AK9: variants seen among roughly 807,000 people sequenced by gnomAD.
AK9 encodes the protein adenylate kinase domain containing 1.
In AK9, 191 loss-of-function variants were observed where a neutral mutation model predicts 239.6. The ratio of observed to expected loss-of-function variants is 0.80; its 90% CI spans 0.71 to 0.90. AK9 has a LOEUF of 0.90. Among genes scored for constraint, AK9 ranks in the 40% least tolerant of loss-of-function variants. The probability of loss-of-function intolerance (pLI) is 0.00; values close to 1 mark genes in which losing one functional copy is unlikely to be tolerated. For synonymous variants in AK9, 689 were observed against 721.0 expected (o/e 0.96, Z 0.71); for missense variants, 1,995 against 2,214.7 (o/e 0.90, Z 1.99).
At position 109,511,797 on chromosome 6, in the gene AK9, C is replaced by T. The variant is rs1778778163; in HGVS notation, c.4280-2417G>A. Among the ~76,000 whole-genome samples, 5 of 152,102 alleles carry T rather than the reference C, an allele frequency of 3.3e-5. No homozygotes were observed. In the South Asian group the frequency reaches 1.0e-3, roughly 31 times the overall value. Reference sequence around the variant, plus strand: ...AAATCTGTTTTTTTTAAAGTTCTAACAATAATTAGGCTCCTAAAATTTGAC... The same window carrying T: ...AAATCTGTTTTTTTTAAAGTTCTAATAATAATTAGGCTCCTAAAATTTGAC... On this transcript the variant is annotated intron_variant, in intron 32 of 40. Transcript: ENST00000424296.
chr6:109,501,334 G>GA (rs1351638597), intron 35 of AK9, among the ~76,000 whole-genome samples: 1 of 152,108 alleles, frequency 6.6e-6, no homozygotes, highest in African/African-American at 2.4e-5. Flanking sequence ...GATGTCCCCT[G>GA]ATACCAACTA....
rs1166212242 is a variant in AK9 at position 109,622,996 on chromosome 6, C to T, written c.1255-3760G>A. Among the ~76,000 whole-genome samples, 3 of 152,090 alleles carry T rather than the reference C, an allele frequency of 2.0e-5. No individual in the cohort carries two copies. In the East Asian group the frequency reaches 5.8e-4, roughly 29 times the overall value. On this transcript the variant is annotated intron_variant, in intron 12 of 40. Coordinates refer to ENST00000424296, the MANE Select transcript of AK9 (RefSeq NM_001145128.3). ...GTTTTTAGTAATCTTTTAACTGTTA[C>T]AATGAGATTGATATGACAAGTCTCT...
intron 8 of AK9, among the ~76,000 whole-genome samples, chr6:109,649,508 C>T (rs1355860293): frequency 6.6e-6 from 1 of 152,022 alleles, no homozygotes; most frequent in Non-Finnish European, 1.5e-5. Flanking sequence ...AATAAAATAC[C>T]TAGGAATCCA....
chr6:109,520,360 T>C (rs1779709056), intron 29 of AK9, among the ~76,000 whole-genome samples: 1 of 152,212 alleles, frequency 6.6e-6, no homozygotes, highest in Non-Finnish European at 1.5e-5. Flanking sequence ...TGGCACCATT[T>C]ATTGAATAGG....
intron 20 of AK9, among the ~76,000 whole-genome samples, chr6:109,578,677 A>C (rs1404815414): frequency 6.6e-6 from 1 of 152,088 alleles, no homozygotes; most frequent in East Asian, 1.9e-4. Flanking sequence ...GTAAGCATTT[A>C]ATACTATGAA....
intron 18 of AK9, 118 bp downstream of exon 18, chr6:109,585,798 G>T: frequency 1.2e-5 from 11 of 942,520 alleles, no homozygotes; most frequent in African/African-American, 1.7e-5. Flanking sequence ...TTCCTGCAGG[G>T]ATTGCTGGGG....
At chr6:109,558,051 C>T (rs907370236) in intron 24 of AK9, among the ~76,000 whole-genome samples, 1 of 152,088 alleles carries the variant, frequency 6.6e-6, no homozygotes, top group African/African-American at 2.4e-5. Context: ...GGTGAAGTAT[C>T]TGGTGTCTGT....
intron 24 of AK9, among the ~76,000 whole-genome samples, chr6:109,555,441 G>C (rs1180277899): frequency 6.6e-6 from 1 of 152,106 alleles, no homozygotes; most frequent in East Asian, 1.9e-4. Flanking sequence ...TTATGTGTTT[G>C]ATTTTAAAAT....
At chr6:109,589,310 T>C (rs555330017) in intron 17 of AK9, among the ~76,000 whole-genome samples, 10 of 152,306 alleles carry the variant, frequency 6.6e-5, no homozygotes, top group Non-Finnish European at 1.2e-4. Flanking sequence ...TTAAATGTAT[T>C]CCTGGGTATT....
intron 9 of AK9, among the ~76,000 whole-genome samples, chr6:109,642,467 A>G (rs1797574260): frequency 6.6e-6 from 1 of 152,092 alleles, no homozygotes; most frequent in Non-Finnish European, 1.5e-5. Context: ...TATTCCACTA[A>G]TGTCAAGCTT....
intron 1 of AK9, among the ~76,000 whole-genome samples, chr6:109,679,224 C>T (rs1172832331): frequency 6.6e-6 from 1 of 152,180 alleles, no homozygotes; most frequent in African/African-American, 2.4e-5. Flanking sequence ...TTCTCGCTGC[C>T]AGCACCGCAG....
chr6:109,612,936 TATTATTTATATGTGTCCTTTCA>T (rs1370458273), intron 15 of AK9, among the ~76,000 whole-genome samples: 2 of 149,252 alleles, frequency 1.3e-5, no homozygotes, highest in Non-Finnish European at 3.0e-5. Flanking sequence ...TATATAAAGC[TATTATTTATATGTGTCCTTTCA>T]ATTATTTATA....
intron 24 of AK9, among the ~76,000 whole-genome samples, chr6:109,553,297 A>G (rs1223904955): frequency 6.6e-6 from 1 of 152,126 alleles, no homozygotes; most frequent in Non-Finnish European, 1.5e-5. Context: ...TTTGGGTAGT[A>G]TGGCCATTTT....
At chr6:109,588,166 G>A (rs906027195) in intron 17 of AK9, among the ~76,000 whole-genome samples, 1 of 151,980 alleles carries the variant, frequency 6.6e-6, no homozygotes, top group Admixed American at 6.6e-5. Context: ...CGCCTCCCGG[G>A]TTCACGCCAT....
Position 109,545,905 on chromosome 6 carries a change from C to T in AK9, c.3187G>A (p.Ala1063Thr). 1.2e-6 allele frequency: 2 copies of T among 1,610,510 alleles called. No individual in the cohort carries two copies. The highest frequency in any genetic ancestry group is 1.7e-6 in the Non-Finnish European group (2 of 1,179,268). ...TTTTCTTCCTCAACTTTGACATTGG[C>T]CTGAATTGCAAGCTCTTCAAGTTCT... is the stretch of plus-strand genomic sequence containing the variant. The part of the protein sequence containing the change: ...KQELEELAIQ[A>T]NVKVEEENTK... The change falls in exon 26 of 41, where the codon GCC becomes ACC. Residue 1063 changes from alanine (A) to threonine (T), a missense_variant. Around this residue, in one of 5 missense-constraint regions of AK9, gnomAD observed 1,290 missense variants for 1,392.7 expected, o/e 0.93. Coordinates refer to ENST00000424296, the MANE Select transcript of AK9 (RefSeq NM_001145128.3).
chr6:109,585,430 T>A (rs992579348), intron 18 of AK9, among the ~76,000 whole-genome samples, 193 bp from the exon 19 acceptor site: 1 of 152,188 alleles, frequency 6.6e-6, no homozygotes, highest in Admixed American at 6.5e-5. Context: ...AAGGTATGTA[T>A]GAATACAGTA....
At chr6:109,690,664 C>T (rs1473424854) in intron 1 of AK9, 3 of 152,178 alleles carry the variant, frequency 2.0e-5, no homozygotes, top group Non-Finnish European at 4.4e-5. Flanking sequence ...CCTAATTTGG[C>T]ATTTATAATT....
intron 6 of AK9, among the ~76,000 whole-genome samples, chr6:109,660,614 ATC>A (rs775598220): frequency 2.4e-4 from 37 of 152,288 alleles, no homozygotes; most frequent in Non-Finnish European, 3.8e-4. Context: ...TTTTTAAAAC[ATC>A]TGTTTTACAA....
intron 1 of AK9, among the ~76,000 whole-genome samples, chr6:109,683,887 G>C (rs553306837): frequency 1.3e-5 from 2 of 152,098 alleles, no homozygotes; most frequent in Non-Finnish European, 2.9e-5. Context: ...TCATGGAATT[G>C]GGAAAAACTA....
Sources: allele counts gnomAD v4.1 joint callset (sites outside exome capture counted in the v4.1 genomes callset), GRCh38; gene constraint gnomAD v4.1.1; regional missense constraint gnomAD v4.1.1; transcripts MANE v1.5; gene names NCBI Gene and HGNC (gene_info 2026-07-23, HGNC 2026-07-21).